PLCE1: variants seen among roughly 807,000 people sequenced by gnomAD.
The protein encoded by PLCE1 is 1-phosphatidylinositol 4,5-bisphosphate phosphodiesterase epsilon-1.
In PLCE1, 119 loss-of-function variants were observed where a neutral mutation model predicts 242.8. That is an observed-to-expected ratio of 0.49 (90% CI 0.42 to 0.57). PLCE1 has a LOEUF of 0.57. Among genes scored for constraint, PLCE1 ranks in the 20% least tolerant of loss-of-function variants. The probability of loss-of-function intolerance (pLI) is 0.00; values close to 1 mark genes in which losing one functional copy is unlikely to be tolerated. For missense variants in PLCE1, 2,441 were observed against 2,788.8 expected, an observed-to-expected ratio of 0.88 and a Z score of 2.81; for synonymous variants, 945 against 1,017.4, an observed-to-expected ratio of 0.93 and a Z score of 1.35.
At chr10:94,126,804 G>A (rs1021003211) in intron 2 of PLCE1, among the ~76,000 whole-genome samples, 1 of 152,110 alleles carries the variant, frequency 6.6e-6, no homozygotes, top group East Asian at 1.9e-4. Flanking sequence ...TTTTCAAAAG[G>A]AATTGAGAAT....
chr10:94,092,331 C>T (rs754871422), intron 2 of PLCE1, among the ~76,000 whole-genome samples: 28 of 152,038 alleles, frequency 1.8e-4, no homozygotes, highest in Admixed American at 1.2e-3. Flanking sequence ...AAGAAACAAC[C>T]GACGCTAAAC....
chr10:94,207,024 T>C (rs1434936093), intron 4 of PLCE1, among the ~76,000 whole-genome samples: 3 of 152,268 alleles, frequency 2.0e-5, no homozygotes, highest in Non-Finnish European at 2.9e-5. Context: ...ACTTTCATAA[T>C]TATAAATGTA....
At position 94,328,162 on chromosome 10, in the gene PLCE1, C is replaced by G. The variant is rs376587612; in HGVS notation, c.*219C>G. On this transcript the variant is annotated 3_prime_UTR_variant, in exon 33 of 33. Transcript: ENST00000371380. ...TTACTGATGAATGAAGCCCAGGGGA[C>G]TGCCATTTTATAAATGTCAGCAGTT... 48 of 296,342 alleles carry G rather than the reference C, an allele frequency of 1.6e-4. No individual in the cohort carries two copies. The East Asian group carries it at 3.8e-3, about 24-fold the overall frequency. The allele number at this position is 296,342 out of a possible 1,614,324, so 18.4% of individuals were successfully genotyped here. A position where few individuals can be genotyped will look rare whatever the true frequency, so the allele number is the denominator to read the frequency against.
At chr10:94,184,582 A>T (rs1316065229) in intron 4 of PLCE1, among the ~76,000 whole-genome samples, 1 of 152,166 alleles carries the variant, frequency 6.6e-6, no homozygotes, top group Non-Finnish European at 1.5e-5. Context: ...TGCCTGCCTC[A>T]GCCTCCCAAA....
At chr10:94,166,606 G>T (rs1006109371) in intron 3 of PLCE1, among the ~76,000 whole-genome samples, 1 of 151,110 alleles carries the variant, frequency 6.6e-6, no homozygotes, top group Non-Finnish European at 1.5e-5. Flanking sequence ...GTGTGTGTGT[G>T]TGTGTGTAGA....
At chr10:94,027,820 A>T (rs569953361) in intron 1 of PLCE1, among the ~76,000 whole-genome samples, 2 of 149,410 alleles carry the variant, frequency 1.3e-5, no homozygotes, top group Admixed American at 6.6e-5. Flanking sequence ...ACTCCATCTC[A>T]AAATAAATAA....
chr10:94,265,512 A>T, intron 14 of PLCE1, 135 bp from the exon 15 acceptor site: 1 of 770,236 alleles, frequency 1.3e-6, no homozygotes, highest in Non-Finnish European at 2.2e-6. Flanking sequence ...CCACTACGTT[A>T]CTAAATTAGT....
intron 13 of PLCE1, 41 bp from the exon 14 acceptor site, chr10:94,262,453 G>A: frequency 1.5e-6 from 2 of 1,336,186 alleles, no homozygotes; most frequent in East Asian, 4.6e-5. Context: ...TGCAAAAGAT[G>A]CTGGCTATCT....
At chr10:93,994,387 C>G (rs1422893638) in intron 1 of PLCE1, among the ~76,000 whole-genome samples, 129 bp downstream of exon 1, 1 of 152,196 alleles carries the variant, frequency 6.6e-6, no homozygotes, top group Non-Finnish European at 1.5e-5. Flanking sequence ...GAAAAGTGTC[C>G]TCGCGCTCCC....
intron 3 of PLCE1, among the ~76,000 whole-genome samples, chr10:94,163,097 AGGTGT>A (rs2047671607): frequency 6.6e-6 from 1 of 152,194 alleles, no homozygotes; most frequent in South Asian, 2.1e-4. Flanking sequence ...ATTTTGGAAT[AGGTGT>A]GGTGTGGTGC....
intron 22 of PLCE1, among the ~76,000 whole-genome samples, chr10:94,288,724 C>A (rs1358954298): frequency 6.6e-6 from 1 of 152,136 alleles, no homozygotes; most frequent in African/African-American, 2.4e-5. Context: ...TGAGGCTCGT[C>A]CGGAAGATTC....
At chr10:94,044,873 A>G (rs553858078) in intron 2 of PLCE1, among the ~76,000 whole-genome samples, 2 of 152,346 alleles carry the variant, frequency 1.3e-5, no homozygotes, top group Non-Finnish European at 2.9e-5. Context: ...TTGAGTTCCA[A>G]TGGCCTAAAA....
intron 4 of PLCE1, among the ~76,000 whole-genome samples, chr10:94,178,402 G>C (rs1023975796): frequency 1.3e-5 from 2 of 152,092 alleles, no homozygotes; most frequent in Non-Finnish European, 2.9e-5. Context: ...GCTCTGCCCT[G>C]GGTGTCTTTT....
Position 94,308,713 on chromosome 10 carries a change from G to A in PLCE1, c.6003+14G>A, listed in dbSNP as rs756933587. 2.0e-5 allele frequency: 30 copies of A among 1,506,722 alleles called. No individual in the cohort carries two copies. The highest frequency in any genetic ancestry group is 2.5e-5 in the Non-Finnish European group (27 of 1,082,234). 93.3% of individuals were successfully genotyped at this position (1,506,722 alleles called of 1,614,324 possible). On this transcript the variant is annotated intron_variant, in intron 27 of 32. Transcript: ENST00000371380. ...TCAGCCTCTTCGGTAATGAAGTTCTGTTTCACTCAACATATTTATGGGGAT... is the reference window on the plus strand; with the variant it reads ...TCAGCCTCTTCGGTAATGAAGTTCTATTTCACTCAACATATTTATGGGGAT...
At chr10:94,253,966 C>CTT (rs2050973669) in intron 9 of PLCE1, among the ~76,000 whole-genome samples, 1 of 152,122 alleles carries the variant, frequency 6.6e-6, no homozygotes, top group South Asian at 2.1e-4. Flanking sequence ...TGTGCCGCCT[C>CTT]TTGTCTGCCT....
In PLCE1 at chr10:94,277,042, C is replaced by T. The variant is rs181918879; in HGVS notation, c.4666-2740C>T. Among the ~76,000 whole-genome samples the T allele has an allele frequency of 7.9e-5, 12 of 152,188 alleles. 1 individual carries two copies. The highest frequency in any genetic ancestry group is 6.5e-4 in the Admixed American group (10 of 15,278). Reference sequence around the variant, plus strand: ...GAGCTCCAGTGGGCTCAGACCTACCCGCTAACATAGAAGGCCGGAGTCATT... The same window carrying T: ...GAGCTCCAGTGGGCTCAGACCTACCTGCTAACATAGAAGGCCGGAGTCATT... On this transcript the variant is annotated intron_variant, in intron 19 of 32. Transcript: ENST00000371380.
chr10:94,083,349 T>C (rs2044707295), intron 2 of PLCE1, among the ~76,000 whole-genome samples: 5 of 152,242 alleles, frequency 3.3e-5, no homozygotes, highest in Admixed American at 2.6e-4. Context: ...ATCTGTATTC[T>C]GATGTATAAA....
chr10:94,253,811 A>G (rs1030813504), intron 9 of PLCE1, among the ~76,000 whole-genome samples: 1 of 152,186 alleles, frequency 6.6e-6, no homozygotes, highest in Non-Finnish European at 1.5e-5. Flanking sequence ...ACATTTCAAC[A>G]TGAGATTTGA....
chr10:94,175,202 A>G (rs571597224), intron 4 of PLCE1, among the ~76,000 whole-genome samples: 1 of 152,288 alleles, frequency 6.6e-6, no homozygotes, highest in African/African-American at 2.4e-5. Context: ...TCAAGTCTGT[A>G]GTAAAACCTG....
Sources: allele counts gnomAD v4.1 joint callset (sites outside exome capture counted in the v4.1 genomes callset), GRCh38; gene constraint gnomAD v4.1.1; transcripts MANE v1.5; gene names NCBI Gene and HGNC (gene_info 2026-07-23, HGNC 2026-07-21).